The following TBL2 variants were observed in gnomAD, a reference collection of about 807,000 sequenced individuals.
The protein encoded by TBL2 is transducin beta like 2, also known as transducin beta-like protein 2.
TBL2 carries 33 observed loss-of-function variants against 41.8 expected under a neutral mutation model. That is an observed-to-expected ratio of 0.79 (90% CI 0.60 to 1.06). TBL2 has a LOEUF of 1.06. TBL2 is among the 50% of genes least tolerant of loss of function. The pLI is 0.00. For missense variants in TBL2, 522 were observed against 603.8 expected (o/e 0.86, Z 1.42); for synonymous variants, 239 against 241.7 (o/e 0.99, Z 0.10).
chr7:73,570,317 G>A lies in TBL2; in HGVS notation c.*190C>T, dbSNP rs1428091658. Reference sequence around the variant, plus strand: ...AGCACCTTGGCCACTAGTCAGGGAGGAGTCACAGCCAGCAAGAAGAGAGAG... The same window carrying A: ...AGCACCTTGGCCACTAGTCAGGGAGAAGTCACAGCCAGCAAGAAGAGAGAG... On this transcript the variant is annotated 3_prime_UTR_variant, in exon 7 of 7. Coordinates refer to ENST00000305632, the MANE Select transcript of TBL2 (RefSeq NM_012453.4). 9 of 1,048,120 alleles carry A rather than the reference G, an allele frequency of 8.6e-6. No individual in the cohort carries two copies. Among genetic ancestry groups the A allele is most frequent in the Non-Finnish European group, 1.2e-5 (9 of 768,660 alleles). The allele number at this position is 1,048,120 out of a possible 1,614,324, so 64.9% of individuals were successfully genotyped here. A position where few individuals can be genotyped will look rare whatever the true frequency, so the allele number is the denominator to read the frequency against.
rs782654232 is a variant in TBL2, at chr7:73,570,865, G to A, written c.986C>T (p.Ala329Val). The change falls in exon 7 of 7, where the codon GCG (alanine) becomes GTG (valine). Residue 329 changes from alanine to valine, a missense_variant. Coordinates refer to ENST00000305632, the MANE Select transcript of TBL2 (RefSeq NM_012453.4). ...YLLKTGRFEE[A>V]AGAAPCRLAL... ...CAGGCGGCACGGCGCGGCACCCGCC[G>A]CCTCTTCAAAGCGGCCTGTCTTCAG... 5.0e-6 allele frequency: 8 copies of A among 1,613,388 alleles called. No individual in the cohort carries two copies. Among genetic ancestry groups the A allele is most frequent in the South Asian group, 3.3e-5 (3 of 91,062 alleles).
chr7:73,573,912 A>G (rs1554588285), intron 3 of TBL2, 26 bp downstream of exon 3: 1 of 1,609,392 alleles, frequency 6.2e-7, no homozygotes, highest in Non-Finnish European at 8.5e-7. Flanking sequence ...CTCTGCAGGC[A>G]AACCTGAGGC....
chr7:73,572,876 G>C lies in TBL2; in HGVS notation c.693C>G (p.Asn231Lys), dbSNP rs781890229. ...VLSTINTNQMNNTHAAVSPCG... is the reference protein window; with the variant it reads ...VLSTINTNQMKNTHAAVSPCG... ...AGGGAGATACAGCAGCGTGTGTGTT[G>C]TTCATCTGGTTGGTGTTGATGGTAG... is the stretch of plus-strand genomic sequence containing the variant. Residue 231 changes from asparagine (N) to lysine (K), a missense_variant, in exon 5 of 7, where the codon AAC becomes AAG. Transcript: ENST00000305632. 2 of 1,614,050 alleles carry C rather than the reference G, an allele frequency of 1.2e-6. No individual in the cohort carries two copies. Among genetic ancestry groups the C allele is most frequent in the East Asian group, 4.5e-5 (2 of 44,884 alleles).
At position 73,578,556 on chromosome 7, in the gene TBL2, G is replaced by T. The variant is rs1006232377; in HGVS notation, c.-7C>A. On this transcript the variant is annotated 5_prime_UTR_variant, in exon 1 of 7. Coordinates refer to ENST00000305632, the MANE Select transcript of TBL2 (RefSeq NM_012453.4). ...ACATCTGCGAGAGCTCCATGTTGGT[G>T]GAACCACTGCCACCTCAGCTAGTGA... 6.3e-7 allele frequency: 1 copy of T among 1,586,980 alleles called. No homozygotes were observed. The highest frequency in any genetic ancestry group is 2.4e-5 in the East Asian group (1 of 41,856).
At chr7:73,577,986 C>T (rs999619839) in intron 1 of TBL2, 2 of 429,220 alleles carry the variant, frequency 4.7e-6, no homozygotes, top group Non-Finnish European at 8.2e-6. Flanking sequence ...TTTAGGTGTT[C>T]ATAATACAGA....
chr7:73,574,811 CA>C (rs34550818), intron 1 of TBL2: 167 of 440,134 alleles, frequency 3.8e-4, no homozygotes, highest in Admixed American at 5.1e-4. Context: ...GACCCTGTCT[CA>C]AAAAAAAACA....
chr7:73,574,254 GA>G (rs1793153093), intron 2 of TBL2, 128 bp downstream of exon 2: 2 of 1,517,880 alleles, frequency 1.3e-6, no homozygotes, highest in Non-Finnish European at 1.8e-6. Context: ...GATGAGAGGG[GA>G]CAGAATTAAG....
rs2115966730 is a variant in TBL2, at chr7:73,573,595, C to CTTAA, written c.447-128_447-125dup. On this transcript the variant is annotated intron_variant, in intron 3 of 6. Transcript: ENST00000305632. ...CATGCCCCACAGTCTAGCCTTAAAA[C>CTTAA]TTAAGCCCCTGGTTCCAAATCTCAT... 4.6e-6 allele frequency: 6 copies of CTTAA among 1,293,970 alleles called. No individual in the cohort carries two copies. In the South Asian group the frequency reaches 8.8e-5, roughly 19 times the overall value. The allele number at this position is 1,293,970 out of a possible 1,614,324, so 80.2% of individuals were successfully genotyped here.
In TBL2 at chr7:73,573,535, T is replaced by C. The variant is rs896021061; in HGVS notation, c.447-64A>G. Reference sequence around the variant, plus strand: ...CAAAGAGGCTCTGTGTTCCAGGTCCTGTGCTGGGTTCTCGGGGAAGTCAAG... The same window carrying C: ...CAAAGAGGCTCTGTGTTCCAGGTCCCGTGCTGGGTTCTCGGGGAAGTCAAG... On this transcript the variant is annotated intron_variant, in intron 3 of 6. Transcript: ENST00000305632. 4 of 1,596,954 alleles carry C rather than the reference T, an allele frequency of 2.5e-6. No homozygotes were observed. The South Asian group carries it at 4.4e-5, about 18-fold the overall frequency.
At position 73,570,519 on chromosome 7, in the gene TBL2, G is replaced by T. The variant is rs781898227; in HGVS notation, c.1332C>A (p.Ala444=). The T allele has an allele frequency of 1.3e-6, 2 of 1,560,282 alleles. No individual in the cohort carries two copies. Among genetic ancestry groups the T allele is most frequent in the Non-Finnish European group, 1.7e-6 (2 of 1,155,088 alleles). ...QAQETLKSLG[A]LKK Reference sequence around the variant, plus strand: ...GGCCCTCCCAGAGTCACTTCTTCAGGGCACCCAGGCTCTTCAGGGTCTCTT... The same window carrying T: ...GGCCCTCCCAGAGTCACTTCTTCAGTGCACCCAGGCTCTTCAGGGTCTCTT... Residue 444 remains alanine, a synonymous_variant, in exon 7 of 7, where the codon GCC becomes GCA. Transcript: ENST00000305632.
rs376246958 is a variant in TBL2 at position 73,573,795 on chromosome 7, G to A, written c.446+143C>T. ...ATCTCCAGGGAGCCCCAGGCAGCGCGCAAACTATGTGGATGCTCTTTCTGG... is the reference window on the plus strand; with the variant it reads ...ATCTCCAGGGAGCCCCAGGCAGCGCACAAACTATGTGGATGCTCTTTCTGG... On this transcript the variant is annotated intron_variant, in intron 3 of 6. Transcript: ENST00000305632. 1.7e-4 allele frequency: 183 copies of A among 1,053,332 alleles called. No individual in the cohort carries two copies. In the South Asian group the frequency reaches 2.0e-3, roughly 11 times the overall value. The allele number at this position is 1,053,332 out of a possible 1,614,324, so 65.2% of individuals were successfully genotyped here.
intron 1 of TBL2, chr7:73,578,062 GC>G (rs1306912351): frequency 4.6e-5 from 26 of 560,782 alleles, no homozygotes; most frequent in Admixed American, 2.2e-4. Flanking sequence ...GGTCATAGAT[GC>G]CCAGTAAATG....
chr7:73,574,679 G>C, intron 1 of TBL2, 166 bp from the exon 2 acceptor site: 1 of 919,656 alleles, frequency 1.1e-6, no homozygotes, highest in Admixed American at 2.3e-5. Flanking sequence ...GGCTTTGGCT[G>C]GCTGGGTATG....
At chr7:73,571,977 C>T (rs1792987565) in intron 5 of TBL2, 3 of 160,076 alleles carry the variant, frequency 1.9e-5, no homozygotes, top group South Asian at 3.1e-4. Flanking sequence ...GCAGGAGAAT[C>T]GCTTGAACCC....
chr7:73,575,783 C>A (rs782156192), intron 1 of TBL2, among the ~76,000 whole-genome samples: 5 of 152,154 alleles, frequency 3.3e-5, no homozygotes, highest in Non-Finnish European at 7.3e-5. Context: ...GTGGCTCATG[C>A]CTGTGATCCC....
intron 5 of TBL2, among the ~76,000 whole-genome samples, chr7:73,572,414 A>G (rs1424246600): frequency 1.3e-5 from 2 of 152,166 alleles, no homozygotes; most frequent in African/African-American, 4.8e-5. Context: ...GCGCCACTGC[A>G]CTCCTGCCTG....
At position 73,574,490 on chromosome 7, in the gene TBL2, G is replaced by A. The variant is rs1793171203; in HGVS notation, c.154C>T (p.Pro52Ser). The A allele has an allele frequency of 6.2e-7, 1 of 1,614,106 alleles. No individual in the cohort carries two copies. Among genetic ancestry groups the A allele is most frequent in the Non-Finnish European group, 8.5e-7 (1 of 1,180,056 alleles). ...TTCTTGGATCCCGAAGATTTGTCAG[G>A]TGGAAATCCATTTGCTTTTTGGCCT... The part of the protein sequence containing the change: ...PACQKANGFP[P>S]DKSSGSKKQK... The change falls in exon 2 of 7, where the codon CCT becomes TCT. Residue 52 changes from proline (P) to serine (S), a missense_variant. Coordinates refer to ENST00000305632, the MANE Select transcript of TBL2 (RefSeq NM_012453.4).
chr7:73,569,732 T>A lies in TBL2; in HGVS notation c.*775A>T, dbSNP rs564574898. ...GCACTCAAATATCTGATGAACTTGA[T>A]GAACTGAAAAGAGGTCTCCTTAAAC... On this transcript the variant is annotated 3_prime_UTR_variant, in exon 7 of 7. Coordinates refer to ENST00000305632, the MANE Select transcript of TBL2 (RefSeq NM_012453.4). The A allele has an allele frequency of 2.6e-5, 4 of 152,322 alleles. No homozygotes were observed. The South Asian group carries it at 8.3e-4, about 32-fold the overall frequency. The allele number at this position is 152,322 out of a possible 1,614,324, so 9.4% of individuals were successfully genotyped here.
chr7:73,571,439 A>T, intron 5 of TBL2, 98 bp from the exon 6 acceptor site: 1 of 1,512,696 alleles, frequency 6.6e-7, no homozygotes, highest in Admixed American at 1.9e-5. Context: ...GATAATCCTC[A>T]TATCTGGATA....
Sources: allele counts gnomAD v4.1 joint callset (sites outside exome capture counted in the v4.1 genomes callset), GRCh38; gene constraint gnomAD v4.1.1; transcripts MANE v1.5; gene names NCBI Gene and HGNC (gene_info 2026-07-23, HGNC 2026-07-21).